The following TRPC5 variants were observed in gnomAD, a reference collection of about 807,000 sequenced individuals.
TRPC5 encodes transient receptor potential cation channel subfamily C member 5, also known as short transient receptor potential channel 5.
TRPC5 carries 9 observed loss-of-function variants against 56.5 expected under a neutral mutation model. That is an observed-to-expected ratio of 0.16 (90% CI 0.10 to 0.28). The LOEUF is 0.28. TRPC5 is among the 10% of genes least tolerant of loss of function. The pLI, the probability that TRPC5 is intolerant of heterozygous loss-of-function variation, is 1.00. For missense variants in TRPC5, 469 were observed against 748.9 expected, an observed-to-expected ratio of 0.63 and a Z score of 4.36; for synonymous variants, 282 against 278.5, an observed-to-expected ratio of 1.01 and a Z score of -0.13.
At chrX:111,834,229 A>G (rs781073743) in intron 7 of TRPC5, among the ~76,000 whole-genome samples, 1 of 112,052 alleles carries the variant, frequency 8.9e-6, no homozygotes, top group African/African-American at 3.2e-5. Context: ...GTGCAAAAAA[A>G]TTCAGCAATG....
intron 1 of TRPC5, among the ~76,000 whole-genome samples, chrX:112,047,906 A>G (rs1262487279): frequency 8.9e-6 from 1 of 112,293 alleles, no homozygotes; most frequent in Admixed American, 9.4e-5. Context: ...CTACAAATAT[A>G]CATGAAAGTG....
At chrX:111,786,055 A>G (rs1014532024) in intron 7 of TRPC5, among the ~76,000 whole-genome samples, 1 of 111,435 alleles carries the variant, frequency 9.0e-6, no homozygotes, top group African/African-American at 3.3e-5. Context: ...AATTCAGGAA[A>G]TACAGAGAAC....
At chrX:112,028,191 C>T (rs938003744) in intron 1 of TRPC5, among the ~76,000 whole-genome samples, 3 of 112,269 alleles carry the variant, frequency 2.7e-5, no homozygotes, top group African/African-American at 9.7e-5. Flanking sequence ...TCCTTATTCA[C>T]TATATACAAA....
intron 7 of TRPC5, among the ~76,000 whole-genome samples, chrX:111,807,495 G>T (rs1182222836): frequency 8.9e-6 from 1 of 112,256 alleles, no homozygotes; most frequent in African/African-American, 3.2e-5. Flanking sequence ...ATTTTGTTGA[G>T]TTCCCTCAAA....
Position 111,773,503 on chromosome X carries a change from T to A in TRPC5, c.*2810A>T, listed in dbSNP as rs1043804147. Among the ~76,000 whole-genome samples the A allele has an allele frequency of 2.7e-5, 3 of 111,938 alleles. No homozygotes were observed. The highest frequency in any genetic ancestry group is 9.7e-5 in the African/African-American group (3 of 30,831). Reference sequence around the variant, plus strand: ...TTTGCAGTACATTTTTAACTTCACATTTAAATATGTAAGTCTGAAGTTTTG... The same window carrying A: ...TTTGCAGTACATTTTTAACTTCACAATTAAATATGTAAGTCTGAAGTTTTG... On this transcript the variant is annotated 3_prime_UTR_variant, in exon 11 of 11. Transcript: ENST00000262839.
At chrX:111,810,609 A>G (rs1921674716) in intron 7 of TRPC5, among the ~76,000 whole-genome samples, 2 of 112,104 alleles carry the variant, frequency 1.8e-5, no homozygotes, top group African/African-American at 6.5e-5. Context: ...TATGAAAAAG[A>G]TTTCATAACA....
At chrX:112,071,683 T>C (rs12009932) in intron 1 of TRPC5, among the ~76,000 whole-genome samples, 10,370 of 112,006 alleles carry the variant, frequency 0.093, 1,173 homozygotes, top group African/African-American at 0.32. Context: ...TTGAGTTTCA[T>C]ATAACTTTTA....
chrX:111,886,435 G>A (rs761338588), intron 3 of TRPC5, among the ~76,000 whole-genome samples: 21 of 112,285 alleles, frequency 1.9e-4, no homozygotes, highest in Non-Finnish European at 3.6e-4. Flanking sequence ...GTGTTTGGTA[G>A]ATTATGCTTG....
At chrX:112,045,608 T>C (rs924676644) in intron 1 of TRPC5, among the ~76,000 whole-genome samples, 1 of 112,382 alleles carries the variant, frequency 8.9e-6, no homozygotes, top group African/African-American at 3.2e-5. Flanking sequence ...TTGACAGATG[T>C]GTAAAACATG....
intron 2 of TRPC5, among the ~76,000 whole-genome samples, chrX:111,913,198 A>T (rs1925869298): frequency 9.0e-6 from 1 of 111,718 alleles, no homozygotes; most frequent in South Asian, 3.8e-4. Flanking sequence ...TCAATTATGC[A>T]ATGACAACAT....
Position 111,776,804 on chromosome X carries a change from G to C in TRPC5, c.2431C>G (p.Pro811Ala), listed in dbSNP as rs1357245184. Residue 811 changes from proline to alanine, a missense_variant, in exon 11 of 11, where the codon CCA becomes GCA. Around this residue, in one of 3 missense-constraint regions of TRPC5, gnomAD observed 194 missense variants for 221.8 expected, o/e 0.87. Transcript: ENST00000262839. ...CTTGGCATGGTTCTGATGAGAGGTG[G>C]CCCATGGCAAGTCTTTTTCTTGCAG... is the stretch of plus-strand genomic sequence containing the variant. Reference protein sequence around the residue: ...LGCKKKTCHGPPLIRTMPRSS... With the variant: ...LGCKKKTCHGAPLIRTMPRSS... 8.3e-7 allele frequency: 1 copy of C among 1,208,170 alleles called. No individual in the cohort carries two copies. Among genetic ancestry groups the C allele is most frequent in the Non-Finnish European group, 1.1e-6 (1 of 894,596 alleles).
At chrX:111,786,225 A>C (rs147230697) in intron 7 of TRPC5, among the ~76,000 whole-genome samples, 65 of 111,819 alleles carry the variant, frequency 5.8e-4, no homozygotes, top group African/African-American at 2.1e-3. Flanking sequence ...TCTCGGCAGA[A>C]ACCCTACGAG....
intron 3 of TRPC5, among the ~76,000 whole-genome samples, chrX:111,883,763 T>C (rs747637000): frequency 6.8e-4 from 76 of 112,429 alleles, no homozygotes; most frequent in Non-Finnish European, 9.2e-4. Flanking sequence ...TTAGGTCTAG[T>C]CAGAGCCAGG....
intron 7 of TRPC5, among the ~76,000 whole-genome samples, chrX:111,791,623 A>G (rs928256782): frequency 1.8e-5 from 2 of 112,107 alleles, no homozygotes; most frequent in African/African-American, 6.5e-5. Flanking sequence ...TAATCCATCA[A>G]TGTGGCATTC....
At chrX:112,030,843 G>T (rs758252689) in intron 1 of TRPC5, among the ~76,000 whole-genome samples, 57 of 111,840 alleles carry the variant, frequency 5.1e-4, no homozygotes, top group Non-Finnish European at 1.0e-3. Flanking sequence ...TTTGACTGAA[G>T]AAAAATAACT....
At chrX:111,846,621 C>T (rs1224075290) in intron 6 of TRPC5, among the ~76,000 whole-genome samples, 2 of 111,222 alleles carry the variant, frequency 1.8e-5, no homozygotes, top group African/African-American at 3.3e-5. Flanking sequence ...TCTAGTCCTA[C>T]CTTCAGCCTG....
At chrX:111,878,232 T>G (rs1469939048) in intron 3 of TRPC5, among the ~76,000 whole-genome samples, 1 of 110,461 alleles carries the variant, frequency 9.1e-6, no homozygotes, top group Non-Finnish European at 1.9e-5. Flanking sequence ...ATAAATACAA[T>G]TATGTCAATT....
At chrX:111,962,208 T>C (rs192145708) in intron 1 of TRPC5, among the ~76,000 whole-genome samples, 1 of 111,552 alleles carries the variant, frequency 9.0e-6, no homozygotes, top group Non-Finnish European at 1.9e-5. Context: ...CAAGCACATG[T>C]ATCCCCAAAT....
chrX:111,816,893 G>A (rs1345726151), intron 7 of TRPC5, among the ~76,000 whole-genome samples: 1 of 111,637 alleles, frequency 9.0e-6, no homozygotes, highest in Non-Finnish European at 1.9e-5. Flanking sequence ...CAACATAGAG[G>A]CCTCTGGGTA....
Sources: allele counts gnomAD v4.1 joint callset (sites outside exome capture counted in the v4.1 genomes callset), GRCh38; gene constraint gnomAD v4.1.1; regional missense constraint gnomAD v4.1.1; transcripts MANE v1.5; gene names NCBI Gene and HGNC (gene_info 2026-07-23, HGNC 2026-07-21).